The following ADGRG3 variants were observed in gnomAD, a reference collection of about 807,000 sequenced individuals.
ADGRG3 encodes adhesion G protein-coupled receptor G3, also known as G protein-coupled receptor 97.
Under a neutral mutation model 54.3 loss-of-function variants are expected in ADGRG3, and 39 were observed. That is an observed-to-expected ratio of 0.72 (90% CI 0.56 to 0.94). The LOEUF is 0.94. Among genes scored for constraint, ADGRG3 ranks in the 40% least tolerant of loss-of-function variants. ADGRG3 has a pLI of 0.00. For synonymous variants in ADGRG3, 312 were observed against 290.0 expected (o/e 1.08, Z -0.77); for missense variants, 654 against 694.6 (o/e 0.94, Z 0.66).
At chr16:57,678,446 C>A in intron 4 of ADGRG3, 130 bp downstream of exon 4, 1 of 855,898 alleles carries the variant, frequency 1.2e-6, no homozygotes, top group South Asian at 1.6e-5. Flanking sequence ...CTTAGTGTTT[C>A]TAATGCAGCC....
intron 1 of ADGRG3, among the ~76,000 whole-genome samples, chr16:57,672,321 T>A (rs1052951388): frequency 2.0e-5 from 3 of 152,008 alleles, no homozygotes; most frequent in African/African-American, 7.3e-5. Context: ...AGGACAGGAG[T>A]TCGAGACCAG....
rs763059375 is a variant in ADGRG3, at chr16:57,678,304, G to GAC, written c.481_482dup (p.Phe163SerfsTer16). On this transcript the variant is annotated frameshift_variant, in exon 4 of 12. Coordinates refer to ENST00000333493, the MANE Select transcript of ADGRG3 (RefSeq NM_170776.5). LOFTEE classifies it high-confidence loss of function. ...TCACCATTCTGGACATTGGTCCAGGGACTCTCTTCAAGGTGAGGACTCAGG... is the reference window on the plus strand; with the variant it reads ...TCACCATTCTGGACATTGGTCCAGGGACACTCTCTTCAAGGTGAGGACTCAGG... The GAC allele has an allele frequency of 1.9e-6, 3 of 1,614,204 alleles. No homozygotes were observed. Among genetic ancestry groups the GAC allele is most frequent in the Non-Finnish European group, 2.5e-6 (3 of 1,180,012 alleles).
intron 10 of ADGRG3, among the ~76,000 whole-genome samples, chr16:57,684,852 C>A (rs780594067): frequency 1.2e-4 from 18 of 152,270 alleles, no homozygotes; most frequent in Non-Finnish European, 1.8e-4. Context: ...TGGATTTCAG[C>A]CCCCACCTGC....
At chr16:57,668,485 C>A (rs1338630156) in intron 1 of ADGRG3, 80 bp downstream of exon 1, 1 of 1,328,548 alleles carries the variant, frequency 7.5e-7, no homozygotes, top group Non-Finnish European at 1.0e-6. Context: ...GGGACAGACG[C>A]AGGGACTGGA....
chr16:57,665,970 C>T (rs1196012066), upstream of ADGRG3, among the ~76,000 whole-genome samples: 3 of 151,862 alleles, frequency 2.0e-5, no homozygotes, highest in Non-Finnish European at 2.9e-5. Flanking sequence ...CCACCCCCTC[C>T]ACTCCCTCCA....
intron 1 of ADGRG3, among the ~76,000 whole-genome samples, chr16:57,672,684 A>G (rs2048184008): frequency 6.6e-6 from 1 of 152,200 alleles, no homozygotes; most frequent in African/African-American, 2.4e-5. Flanking sequence ...ACTAAAAGTC[A>G]CAAAAGCTGG....
At chr16:57,687,039 A>G (rs2048485833) in intron 11 of ADGRG3, among the ~76,000 whole-genome samples, 1 of 152,220 alleles carries the variant, frequency 6.6e-6, no homozygotes, top group Non-Finnish European at 1.5e-5. Context: ...CAGGGAAGTC[A>G]CTAGAAACCC....
rs1218343422 is a variant in ADGRG3 at position 57,673,299 on chromosome 16, ACT to A, written c.59-17_59-16del. 6.3e-7 allele frequency: 1 copy of A among 1,598,820 alleles called. No homozygotes were observed. The highest frequency in any genetic ancestry group is 8.6e-7 in the Non-Finnish European group (1 of 1,167,820). On this transcript the variant is annotated intron_variant, in intron 1 of 11. Transcript: ENST00000333493. ...GCCCATCTTCGTCCAGCCCATTCAC[ACT>A]CTCTGCATTCCTTCCTTAGGTCAGG...
Position 57,679,862 on chromosome 16 carries a change from C to A in ADGRG3, c.667+7C>A. The A allele has an allele frequency of 6.2e-7, 1 of 1,607,118 alleles. No homozygotes were observed. The highest frequency in any genetic ancestry group is 8.5e-7 in the Non-Finnish European group (1 of 1,173,798). On this transcript the variant is annotated splice_region_variant and intron_variant, in intron 6 of 11. Transcript: ENST00000333493. Reference sequence around the variant, plus strand: ...TTCTGGGATGTGACTAAAGGTAGGGCCCGGAGGACCTTCTCTGGGGTAAGA... The same window carrying A: ...TTCTGGGATGTGACTAAAGGTAGGGACCGGAGGACCTTCTCTGGGGTAAGA...
intron 2 of ADGRG3, among the ~76,000 whole-genome samples, chr16:57,675,479 A>G (rs542705018): frequency 6.6e-6 from 1 of 152,030 alleles, no homozygotes; most frequent in East Asian, 1.9e-4. Flanking sequence ...AAATACAAAA[A>G]AATTAGTTGG....
chr16:57,677,570 G>A (rs2048285969), intron 3 of ADGRG3, among the ~76,000 whole-genome samples: 1 of 151,960 alleles, frequency 6.6e-6, no homozygotes, highest in Non-Finnish European at 1.5e-5. Flanking sequence ...CAACAAGAAT[G>A]AGACTCCATC....
At chr16:57,676,423 T>A in intron 3 of ADGRG3, 85 bp downstream of exon 3, 24 of 1,291,136 alleles carry the variant, frequency 1.9e-5, no homozygotes, top group Non-Finnish European at 2.4e-5. Context: ...AGTTATATCC[T>A]GTGATATAAC....
chr16:57,681,387 TGCGC>T (rs1567858855), intron 8 of ADGRG3, among the ~76,000 whole-genome samples: 2 of 147,154 alleles, frequency 1.4e-5, no homozygotes, highest in African/African-American at 2.6e-5. Context: ...CGCGCGTGCG[TGCGC>T]GCAGGACATA....
chr16:57,676,113 G>T, intron 2 of ADGRG3, 87 bp from the exon 3 acceptor site: 3 of 1,245,412 alleles, frequency 2.4e-6, no homozygotes, highest in South Asian at 1.3e-5. Context: ...TTGATAGTTT[G>T]GGTCAGCCCT....
In ADGRG3 at chr16:57,679,104, C is replaced by G; in HGVS notation, c.493-73C>G. 1.9e-6 allele frequency: 3 copies of G among 1,578,248 alleles called. 1 individual carries two copies. In the South Asian group the frequency reaches 3.4e-5, roughly 18 times the overall value. On this transcript the variant is annotated intron_variant, in intron 4 of 11. Coordinates refer to ENST00000333493, the MANE Select transcript of ADGRG3 (RefSeq NM_170776.5). ...AAAGGCCATGGGTTCCTGGAGGCTC[C>G]TAGGAACCCCAGCGTTGGTGGGTTG... is the stretch of plus-strand genomic sequence containing the variant.
chr16:57,676,440 T>C (rs2148701957), intron 3 of ADGRG3, 102 bp downstream of exon 3: 8 of 1,102,168 alleles, frequency 7.3e-6, no homozygotes, highest in Middle Eastern at 4.8e-4. Flanking sequence ...TAACTAGGGC[T>C]TGTCCCTCCC....
At chr16:57,679,716 C>T (rs2048328660) in intron 5 of ADGRG3, 100 bp from the exon 6 acceptor site, 8 of 929,612 alleles carry the variant, frequency 8.6e-6, no homozygotes, top group Middle Eastern at 2.1e-4. Flanking sequence ...CTAATGCACA[C>T]TCACACTAGG....
chr16:57,677,514 G>A lies in ADGRG3; in HGVS notation c.346-656G>A, dbSNP rs111406775. On this transcript the variant is annotated intron_variant, in intron 3 of 11. Transcript: ENST00000333493. ...GGAGAATCGCTTGAACCTGGGAGGC[G>A]GAGGTTGCACTGAGCTGAGATAGCG... 9.0e-3 allele frequency among the ~76,000 whole-genome samples: 1,364 copies of A among 152,250 alleles called. 17 individuals are homozygous for A. Among genetic ancestry groups the A allele is most frequent in the African/African-American group, 0.031 (1,281 of 41,542 alleles).
intron 3 of ADGRG3, among the ~76,000 whole-genome samples, chr16:57,676,688 G>A (rs1367809170): frequency 1.3e-5 from 2 of 152,218 alleles, no homozygotes; most frequent in Non-Finnish European, 2.9e-5. Context: ...ATAAAAAGAT[G>A]AAGGTATTGC....
Sources: gnomAD v4.1 joint callset for allele counts (sites outside exome capture counted in the v4.1 genomes callset) on GRCh38, gnomAD v4.1.1 for gene constraint, MANE v1.5 for transcripts, NCBI Gene and HGNC (gene_info 2026-07-23, HGNC 2026-07-21) for gene names.